CYP4F2: variants seen among roughly 807,000 people sequenced by gnomAD.
The protein encoded by CYP4F2 is cytochrome P450 family 4 subfamily F member 2.
Under a neutral mutation model 58.9 loss-of-function variants are expected in CYP4F2, and 58 were observed. The ratio of observed to expected loss-of-function variants is 0.98; its 90% CI spans 0.80 to 1.23. The LOEUF (loss-of-function observed/expected upper bound fraction) is 1.23. Among genes scored for constraint, CYP4F2 ranks in the 50% most tolerant of loss-of-function variants. CYP4F2 has a pLI of 0.00. For missense variants in CYP4F2, 616 were observed against 685.6 expected (o/e 0.90, Z 1.13); for synonymous variants, 287 against 261.1 (o/e 1.10, Z -0.95).
chr19:15,879,360 G>T lies in CYP4F2; in HGVS notation c.1383C>A (p.Phe461Leu). 1 of 1,614,144 alleles carries T rather than the reference G, an allele frequency of 6.2e-7. No individual in the cohort carries two copies. Among genetic ancestry groups the T allele is most frequent in the Non-Finnish European group, 8.5e-7 (1 of 1,180,014 alleles). ...KERSPLAFIP[F>L]SAGPRNCIGQ... ...GCCGCCCTTACCTGGGCCCTGCCGAGAAGGGAATAAAAGCCAGAGGTGACC... is the reference window on the plus strand; with the variant it reads ...GCCGCCCTTACCTGGGCCCTGCCGATAAGGGAATAAAAGCCAGAGGTGACC... Residue 461 changes from phenylalanine (F) to leucine (L), a missense_variant, in exon 12 of 13, where the codon TTC becomes TTA. Coordinates refer to ENST00000221700, the MANE Select transcript of CYP4F2 (RefSeq NM_001082.5).
At chr19:15,894,883 C>T (rs2089439118) in intron 3 of CYP4F2, among the ~76,000 whole-genome samples, 1 of 152,110 alleles carries the variant, frequency 6.6e-6, no homozygotes, top group Non-Finnish European at 1.5e-5. Flanking sequence ...GGCAGACAAG[C>T]TATAGGATGG....
At chr19:15,896,164 C>T (rs1421253405) in intron 2 of CYP4F2, among the ~76,000 whole-genome samples, 1 of 151,446 alleles carries the variant, frequency 6.6e-6, no homozygotes, top group Admixed American at 6.6e-5. Context: ...TATCTACCTA[C>T]GTGCCTGTCC....
chr19:15,891,033 C>T (rs569891028), intron 5 of CYP4F2, among the ~76,000 whole-genome samples: 1 of 152,258 alleles, frequency 6.6e-6, no homozygotes. Flanking sequence ...TCAAAAATAT[C>T]CCTGTTTTGG....
chr19:15,881,067 A>T (rs1387557097), intron 9 of CYP4F2, among the ~76,000 whole-genome samples: 1 of 152,238 alleles, frequency 6.6e-6, no homozygotes, highest in Non-Finnish European at 1.5e-5. Flanking sequence ...CAAGCCACAT[A>T]CACATTGATG....
chr19:15,896,288 CTCTA>C (rs1005396600), intron 2 of CYP4F2, among the ~76,000 whole-genome samples: 19 of 151,224 alleles, frequency 1.3e-4, no homozygotes, highest in Non-Finnish European at 2.5e-4. Flanking sequence ...ATTCCTCCTG[CTCTA>C]TCTATCTATC....
intron 4 of CYP4F2, 40 bp downstream of exon 4, chr19:15,892,489 C>G (rs773403897): frequency 6.2e-7 from 1 of 1,613,928 alleles, no homozygotes; most frequent in African/African-American, 1.3e-5. Context: ...CCCTGGCCCC[C>G]CAACGTTTTT....
chr19:15,897,811 A>T, intron 1 of CYP4F2, 199 bp from the exon 2 acceptor site: 1 of 599,336 alleles, frequency 1.7e-6, no homozygotes, highest in Admixed American at 3.1e-5. Context: ...CCAGTTCCCT[A>T]GTAAGCACTT....
At chr19:15,883,267 T>G (rs2089356004) in intron 9 of CYP4F2, among the ~76,000 whole-genome samples, 2 of 151,582 alleles carry the variant, frequency 1.3e-5, no homozygotes, top group South Asian at 4.2e-4. Context: ...CTCAAATAAC[T>G]CAATAGGGGA....
chr19:15,896,936 T>C (rs567441765), intron 2 of CYP4F2, among the ~76,000 whole-genome samples: 6 of 152,200 alleles, frequency 3.9e-5, no homozygotes, highest in African/African-American at 1.2e-4. Flanking sequence ...AAGAGGGAGA[T>C]AAGAAGAAGA....
intron 2 of CYP4F2, among the ~76,000 whole-genome samples, chr19:15,896,809 G>A (rs2089450828): frequency 6.6e-6 from 1 of 152,240 alleles, no homozygotes; most frequent in Admixed American, 6.5e-5. Context: ...TCCCCAAAGA[G>A]GAGAGCGGTC....
intron 6 of CYP4F2, 34 bp from the exon 7 acceptor site, chr19:15,889,727 T>A (rs1431047203): frequency 1.9e-6 from 3 of 1,606,764 alleles, no homozygotes; most frequent in Non-Finnish European, 2.6e-6. Context: ...AGGCAACAAT[T>A]TAATATACCT....
At chr19:15,896,419 G>A (rs556738522) in intron 2 of CYP4F2, among the ~76,000 whole-genome samples, 2 of 152,298 alleles carry the variant, frequency 1.3e-5, no homozygotes, top group African/African-American at 4.8e-5. Context: ...TATCTTGAGA[G>A]GAAGGATTTT....
In CYP4F2 at chr19:15,878,839, G is replaced by C. The variant is rs758269454; in HGVS notation, c.1495C>G (p.Arg499Gly). 4 of 1,613,910 alleles carry C rather than the reference G, an allele frequency of 2.5e-6. No individual in the cohort carries two copies. The highest frequency in any genetic ancestry group is 2.2e-5 in the East Asian group (1 of 44,860). Residue 499 changes from arginine to glycine, a missense_variant, in exon 13 of 13, where the codon CGC becomes GGC. Coordinates refer to ENST00000221700, the MANE Select transcript of CYP4F2 (RefSeq NM_001082.5). ...CGCAGGACCAGCTCCGGCTTCCTGC[G>C]GGGCTCGGTGTGGTCAGGCAGGACG... ...FRVLPDHTEP[R>G]RKPELVLRAE...
In CYP4F2 at chr19:15,895,560, G is replaced by T. The variant is rs144455532; in HGVS notation, c.289C>A (p.Pro97Thr). 104 of 1,558,754 alleles carry T rather than the reference G, an allele frequency of 6.7e-5. 1 individual carries two copies. In the African/African-American group the frequency reaches 1.3e-3, roughly 20 times the overall value. ...TCGGGGTGGCACAAACTGAGGAGGG[G>T]GGAGATGGGTCCCATCCAGACCTTA... Reference protein sequence around the residue: ...GFKVWMGPISPLLSLCHPDII... With the variant: ...GFKVWMGPISTLLSLCHPDII... The change falls in exon 3 of 13, where the codon CCC (proline) becomes ACC (threonine). Residue 97 changes from proline to threonine, a missense_variant. Pro to Thr is a conservative substitution (Grantham distance 38, BLOSUM62 -1). Coordinates refer to ENST00000221700, the MANE Select transcript of CYP4F2 (RefSeq NM_001082.5).
At position 15,878,491 on chromosome 19, in the gene CYP4F2, T is replaced by G; in HGVS notation, c.*280A>C. 1 of 510,980 alleles carries G rather than the reference T, an allele frequency of 2.0e-6. No homozygotes were observed. The highest frequency in any genetic ancestry group is 1.9e-5 in the African/African-American group (1 of 52,016). 31.7% of individuals were successfully genotyped at this position (510,980 alleles called of 1,614,324 possible). On this transcript the variant is annotated 3_prime_UTR_variant, in exon 13 of 13. Transcript: ENST00000221700. ...TCACTGCTTCATTCCTTTTTATGGC[T>G]GTGTAATACTCCATTGTATGGATGG...
intron 3 of CYP4F2, among the ~76,000 whole-genome samples, 180 bp downstream of exon 3, chr19:15,895,326 G>A (rs183937883): frequency 1.3e-4 from 20 of 152,328 alleles, no homozygotes; most frequent in Non-Finnish European, 2.6e-4. Context: ...ACAGGGGGTA[G>A]ATGGCAATAG....
chr19:15,878,839 G>A lies in CYP4F2; in HGVS notation c.1495C>T (p.Arg499Cys), dbSNP rs758269454. Residue 499 changes from arginine to cysteine, a missense_variant, in exon 13 of 13, where the codon CGC (arginine) becomes TGC (cysteine). Coordinates refer to ENST00000221700, the MANE Select transcript of CYP4F2 (RefSeq NM_001082.5). ...CGCAGGACCAGCTCCGGCTTCCTGCGGGGCTCGGTGTGGTCAGGCAGGACG... is the reference window on the plus strand; with the variant it reads ...CGCAGGACCAGCTCCGGCTTCCTGCAGGGCTCGGTGTGGTCAGGCAGGACG... Reference protein sequence around the residue: ...FRVLPDHTEPRRKPELVLRAE... With the variant: ...FRVLPDHTEPCRKPELVLRAE... 3.1e-6 allele frequency: 5 copies of A among 1,613,908 alleles called. No homozygotes were observed. The highest frequency in any genetic ancestry group is 3.3e-5 in the Admixed American group (2 of 59,990).
At position 15,897,585 on chromosome 19, in the gene CYP4F2, C is replaced by T; in HGVS notation, c.27G>A (p.Leu9=). The T allele has an allele frequency of 1.2e-6, 2 of 1,613,792 alleles. No individual in the cohort carries two copies. Among genetic ancestry groups the T allele is most frequent in the Non-Finnish European group, 1.7e-6 (2 of 1,179,862 alleles). Reference sequence around the variant, plus strand: ...GGGATGCTGCCACTGGCCAGAGGCCCAGCCAGGACAGGCTCAGCTGGGACA... The same window carrying T: ...GGGATGCTGCCACTGGCCAGAGGCCTAGCCAGGACAGGCTCAGCTGGGACA... MSQLSLSW[L]GLWPVAASPW... is the part of the protein sequence containing the mutation. Residue 9 remains leucine, a synonymous_variant, in exon 2 of 13, where the codon CTG becomes CTA. Transcript: ENST00000221700.
At chr19:15,897,116 G>A (rs1207260243) in intron 2 of CYP4F2, among the ~76,000 whole-genome samples, 1 of 152,168 alleles carries the variant, frequency 6.6e-6, no homozygotes, top group Non-Finnish European at 1.5e-5. Flanking sequence ...GAATGCCAGG[G>A]ACTCGCCTCT....
Sources: allele counts gnomAD v4.1 joint callset (sites outside exome capture counted in the v4.1 genomes callset), GRCh38; gene constraint gnomAD v4.1.1; transcripts MANE v1.5; gene names NCBI Gene and HGNC (gene_info 2026-07-23, HGNC 2026-07-21).